LINGO2: variants seen among roughly 807,000 people sequenced by gnomAD.
The protein encoded by LINGO2 is leucine rich repeat and Ig domain containing 2, also known as leucine-rich repeat and immunoglobulin-like domain-containing nogo receptor-interacting protein 2.
LINGO2 carries 14 observed loss-of-function variants against 30.6 expected under a neutral mutation model. The ratio of observed to expected loss-of-function variants is 0.46; its 90% confidence interval spans 0.30 to 0.72. The LOEUF (loss-of-function observed/expected upper bound fraction) is 0.72. Among genes scored for constraint, LINGO2 ranks in the 30% least tolerant of loss-of-function variants. LINGO2 has a pLI of 0.07. For missense variants in LINGO2, 729 were observed against 751.7 expected, an observed-to-expected ratio of 0.97 and a Z score of 0.35; for synonymous variants, 317 against 288.5, an observed-to-expected ratio of 1.10 and a Z score of -1.00.
rs199518154 is a variant in LINGO2, at chr9:28,195,434, AATG to A, written c.-87+99771_-87+99773del. On this transcript the variant is annotated intron_variant, in intron 4 of 5. Transcript: ENST00000379992. The stretch of plus-strand genomic sequence containing the variant: ...ATGTATAATTATATGAAAGATAAGG[AATG>A]ATAATAAAAAATAGAAACATGGGAT... Among the ~76,000 whole-genome samples the A allele has an allele frequency of 4.3e-4, 60 of 139,368 alleles. 1 individual carries two copies. In the East Asian group the frequency reaches 9.6e-3, roughly 22 times the overall value. The allele number at this position is 139,368 out of a possible 152,430, so 91.4% of individuals were successfully genotyped here.
chr9:28,494,341 G>A (rs1175168522), intron 1 of LINGO2, among the ~76,000 whole-genome samples: 1 of 151,896 alleles, frequency 6.6e-6, no homozygotes, highest in African/African-American at 2.4e-5. Flanking sequence ...TACATTAGGC[G>A]TATCTCCTAA....
chr9:28,806,825 C>T, the LINGO2 span, among the ~76,000 whole-genome samples: 3 of 151,986 alleles, frequency 2.0e-5, no homozygotes, highest in South Asian at 2.1e-4. Flanking sequence ...TGGCTAGCCT[C>T]CTGTAAAGTC....
chr9:28,971,470 T>G, the LINGO2 span, among the ~76,000 whole-genome samples: 2 of 152,160 alleles, frequency 1.3e-5, no homozygotes, highest in Non-Finnish European at 2.9e-5. Context: ...TGAGAGCCCT[T>G]GGGCCTTAAG....
intron 5 of LINGO2, among the ~76,000 whole-genome samples, chr9:27,998,830 G>T (rs1364297203): frequency 1.3e-5 from 2 of 152,090 alleles, no homozygotes; most frequent in African/African-American, 2.4e-5. Flanking sequence ...AGTAAGAACT[G>T]CCCAGCTGAG....
At chr9:29,156,401 A>G in the LINGO2 span, among the ~76,000 whole-genome samples, 2 of 152,126 alleles carry the variant, frequency 1.3e-5, no homozygotes, top group African/African-American at 2.4e-5. Context: ...CTAAATTCAT[A>G]TTATAGCAGT....
chr9:28,574,250 G>A (rs886681392), intron 1 of LINGO2, among the ~76,000 whole-genome samples: 5 of 152,166 alleles, frequency 3.3e-5, no homozygotes, highest in African/African-American at 1.2e-4. Flanking sequence ...AAAATTGTGT[G>A]TTAAATTTAA....
intron 4 of LINGO2, among the ~76,000 whole-genome samples, chr9:28,201,590 A>G (rs1820237043): frequency 6.6e-6 from 1 of 151,056 alleles, no homozygotes; most frequent in Non-Finnish European, 1.5e-5. Context: ...TTGGGTATAT[A>G]CCCAGTAATG....
At chr9:29,157,961 G>A in the LINGO2 span, among the ~76,000 whole-genome samples, 1 of 151,964 alleles carries the variant, frequency 6.6e-6, no homozygotes, top group African/African-American at 2.4e-5. Context: ...CTATATACCA[G>A]GCTATATCTA....
At chr9:28,254,386 G>A (rs183230060) in intron 4 of LINGO2, among the ~76,000 whole-genome samples, 4 of 152,054 alleles carry the variant, frequency 2.6e-5, no homozygotes, top group Admixed American at 6.5e-5. Context: ...CCCTAACCAC[G>A]CTCTCTCAAC....
At chr9:29,169,268 A>T in the LINGO2 span, among the ~76,000 whole-genome samples, 2 of 152,130 alleles carry the variant, frequency 1.3e-5, no homozygotes, top group African/African-American at 4.8e-5. Context: ...GTTTCAAAAA[A>T]ACTTCAAAAG....
chr9:28,673,324 CT>C (rs1829092831), upstream of LINGO2, among the ~76,000 whole-genome samples: 1 of 152,032 alleles, frequency 6.6e-6, no homozygotes, highest in South Asian at 2.1e-4. Flanking sequence ...TTAGATTCTT[CT>C]CACCAAAATG....
chr9:28,294,785 G>GT (rs1482946257), intron 4 of LINGO2, among the ~76,000 whole-genome samples: 6 of 152,256 alleles, frequency 3.9e-5, no homozygotes, highest in Admixed American at 2.0e-4. Context: ...CTGAATTGGA[G>GT]TAACCTTGAA....
rs117534596 is a variant in LINGO2, at chr9:28,562,772, C to T, written c.-364-86747G>A. 8.5e-3 allele frequency among the ~76,000 whole-genome samples: 1,290 copies of T among 152,134 alleles called. 29 individuals carry two copies. Among genetic ancestry groups the T allele is most frequent in the East Asian group, 0.064 (331 of 5,174 alleles). ...GGATAGACACAAATAGCTTTTACTGCATTTTACATATAGTTACCACATTTA... is the reference window on the plus strand; with the variant it reads ...GGATAGACACAAATAGCTTTTACTGTATTTTACATATAGTTACCACATTTA... On this transcript the variant is annotated intron_variant, in intron 1 of 5. Transcript: ENST00000379992.
At chr9:28,201,811 C>T (rs1295459267) in intron 4 of LINGO2, among the ~76,000 whole-genome samples, 1 of 151,992 alleles carries the variant, frequency 6.6e-6, no homozygotes, top group Non-Finnish European at 1.5e-5. Context: ...TTTCTCCTCC[C>T]CTTCCTCCTC....
chr9:28,633,312 G>A lies in LINGO2; in HGVS notation c.-365+36888C>T, dbSNP rs563829540. ...CTCAGTATTAACTATCACAGAAGGG[G>A]AAAGAGAAGCTGCCTTTATTCCAGA... is the stretch of plus-strand genomic sequence containing the variant. On this transcript the variant is annotated intron_variant, in intron 1 of 5. Transcript: ENST00000379992. 9.2e-5 allele frequency among the ~76,000 whole-genome samples: 14 copies of A among 152,160 alleles called. No individual in the cohort carries two copies. The South Asian group carries it at 2.9e-3, about 32-fold the overall frequency.
the LINGO2 span, among the ~76,000 whole-genome samples, chr9:29,107,516 GGCATTTAAAA>G: frequency 6.6e-6 from 1 of 152,072 alleles, no homozygotes; most frequent in South Asian, 2.1e-4. Flanking sequence ...AAGTTTCTCA[GGCATTTAAAA>G]GCCCAAAATG....
intron 1 of LINGO2, chr9:28,598,919 T>A (rs1417772764): frequency 6.6e-6 from 1 of 152,158 alleles, no homozygotes; most frequent in Non-Finnish European, 1.5e-5. Flanking sequence ...CCCTATAACA[T>A]CTTTTATAAG....
intron 1 of LINGO2, among the ~76,000 whole-genome samples, chr9:28,541,970 C>T (rs1821719862): frequency 6.6e-6 from 1 of 152,012 alleles, no homozygotes. Flanking sequence ...TGACTGCAGA[C>T]TGAAGCCATT....
intron 1 of LINGO2, among the ~76,000 whole-genome samples, chr9:28,518,762 G>A (rs749561510): frequency 1.3e-5 from 2 of 152,076 alleles, no homozygotes; most frequent in Non-Finnish European, 2.9e-5. Flanking sequence ...TAATTGCTTC[G>A]TTGGGCCTAC....
Sources: allele counts gnomAD v4.1 joint callset (sites outside exome capture counted in the v4.1 genomes callset), GRCh38; gene constraint gnomAD v4.1.1; transcripts MANE v1.5; gene names NCBI Gene and HGNC (gene_info 2026-07-23, HGNC 2026-07-21).